The following CCT6A variants were observed in gnomAD, a reference collection of about 807,000 sequenced individuals.
The protein encoded by CCT6A is T-complex protein 1 subunit zeta.
CCT6A carries 6 observed loss-of-function variants against 58.6 expected under a neutral mutation model. The observed-to-expected ratio is 0.10, with a 90% CI of 0.06 to 0.20. The LOEUF is 0.20. Ranked by LOEUF, CCT6A falls within the 10% of genes least tolerant of loss-of-function variation. The pLI is 1.00. For synonymous variants in CCT6A, 245 were observed against 227.8 expected (o/e 1.08, Z -0.68); for missense variants, 516 against 648.8 (o/e 0.80, Z 2.22).
chr7:56,056,279 T>A, intron 4 of CCT6A, 32 bp from the exon 5 acceptor site: 1 of 1,105,510 alleles, frequency 9.0e-7, no homozygotes, highest in East Asian at 2.3e-5. Flanking sequence ...GCAAATTGAA[T>A]TTACTTAACG....
chr7:56,054,427 T>C lies in CCT6A; in HGVS notation c.260T>C (p.Ile87Thr), dbSNP rs768769859. ...IAKVATAQDD[I>T]TGDGTTSNVL... ...AAGGTAGCAACAGCCCAGGATGATA[T>C]AACTGGTGATGGTACGACTTCTAAT... Residue 87 changes from isoleucine to threonine, a missense_variant, in exon 3 of 14, where the codon ATA becomes ACA. Physicochemically the swap from Ile to Thr is moderately conservative, Grantham distance 89. This residue lies in a region of CCT6A where 116 missense variants were observed against 184.5 expected (regional missense o/e 0.63). Coordinates refer to ENST00000275603, the MANE Select transcript of CCT6A (RefSeq NM_001762.4). The C allele has an allele frequency of 1.1e-5, 18 of 1,611,362 alleles. No individual in the cohort carries two copies. The highest frequency in any genetic ancestry group is 1.5e-5 in the Non-Finnish European group (18 of 1,178,112).
In CCT6A at chr7:56,058,714, A is replaced by G. The variant is rs751681391; in HGVS notation, c.968+12A>G. The G allele has an allele frequency of 5.4e-6, 8 of 1,478,654 alleles. No individual in the cohort carries two copies. The Admixed American group carries it at 1.1e-4, about 21-fold the overall frequency. The allele number at this position is 1,478,654 out of a possible 1,614,324, so 91.6% of individuals were successfully genotyped here. Reference sequence around the variant, plus strand: ...AGAAATATGGAGAGGTATCCGAGTAATTTGACTTTTACTCATTTTGCAAGT... The same window carrying G: ...AGAAATATGGAGAGGTATCCGAGTAGTTTGACTTTTACTCATTTTGCAAGT... On this transcript the variant is annotated intron_variant, in intron 8 of 13. Coordinates refer to ENST00000275603, the MANE Select transcript of CCT6A (RefSeq NM_001762.4).
rs981935688 is a variant in CCT6A at position 56,060,119 on chromosome 7, T to C, written c.1066-150T>C. ...ATTGATGGGGAAAATCACATTTCTT[T>C]TATGTGATTTTTCAAAAGGAGATAA... On this transcript the variant is annotated intron_variant, in intron 9 of 13. Transcript: ENST00000275603. 1.3e-5 allele frequency: 8 copies of C among 634,304 alleles called. No individual in the cohort carries two copies. In the African/African-American group the frequency reaches 1.3e-4, roughly 10 times the overall value. The allele number at this position is 634,304 out of a possible 1,614,324, so 39.3% of individuals were successfully genotyped here.
At chr7:56,052,110 C>T (rs1226462673) in intron 1 of CCT6A, 125 bp downstream of exon 1, 1 of 834,470 alleles carries the variant, frequency 1.2e-6, no homozygotes, top group Non-Finnish European at 1.6e-6. Context: ...CGGCGTCCTC[C>T]GGGGTCGGTC....
intron 5 of CCT6A, among the ~76,000 whole-genome samples, chr7:56,057,269 T>C (rs1256152784): frequency 5.3e-5 from 8 of 152,172 alleles, no homozygotes. Flanking sequence ...ATTGAATTGC[T>C]AGGTACAAAG....
In CCT6A at chr7:56,063,978, A is replaced by ATAAC. The variant is rs1794552032; in HGVS notation, c.*893_*894insTAAC. 2.1e-6 allele frequency: 1 copy of ATAAC among 479,330 alleles called. No homozygotes were observed. The highest frequency in any genetic ancestry group is 2.1e-5 in the African/African-American group (1 of 48,478). 29.7% of individuals were successfully genotyped at this position (479,330 alleles called of 1,614,324 possible). A position where few individuals can be genotyped will look rare whatever the true frequency, so the allele number is the denominator to read the frequency against. Reference sequence around the variant, plus strand: ...GAAGTGAGTTGTGCAATAAATGTTAAGTTGAAACCTCCTTTCTGTTCTTGC... The same window carrying ATAAC: ...GAAGTGAGTTGTGCAATAAATGTTAATAACGTTGAAACCTCCTTTCTGTTCTTGC... On this transcript the variant is annotated 3_prime_UTR_variant, in exon 14 of 14. Coordinates refer to ENST00000275603, the MANE Select transcript of CCT6A (RefSeq NM_001762.4).
At chr7:56,060,643 A>G (rs1584552420) in intron 10 of CCT6A, 164 bp from the exon 11 acceptor site, 1 of 999,310 alleles carries the variant, frequency 1.0e-6, no homozygotes, top group East Asian at 2.4e-5. Context: ...GCCAGTGGCT[A>G]GTGAAGCCAT....
In CCT6A at chr7:56,062,721, A is replaced by G. The variant is rs761648209; in HGVS notation, c.1489A>G (p.Asn497Asp). ...GGCAGCAGAAGTAGGCGTATGGGAT[A>G]ACTATTGTGTAAAGAAACAGCTTCT... ...MVAAEVGVWD[N>D]YCVKKQLLHS... The change falls in exon 13 of 14, where the codon AAC (asparagine) becomes GAC (aspartate). Residue 497 changes from asparagine (N) to aspartate (D), a missense_variant. Coordinates refer to ENST00000275603, the MANE Select transcript of CCT6A (RefSeq NM_001762.4). 1 of 1,613,548 alleles carries G rather than the reference A, an allele frequency of 6.2e-7. No individual in the cohort carries two copies.
intron 2 of CCT6A, among the ~76,000 whole-genome samples, 186 bp downstream of exon 2, chr7:56,052,671 A>G (rs775187960): frequency 1.3e-5 from 2 of 152,146 alleles, no homozygotes; most frequent in African/African-American, 4.8e-5. Context: ...TTTGCCATTC[A>G]CAGTCCGGGC....
At chr7:56,061,432 A>C (rs1301916958) in intron 11 of CCT6A, among the ~76,000 whole-genome samples, 1 of 143,978 alleles carries the variant, frequency 6.9e-6, no homozygotes, top group Admixed American at 7.2e-5. Flanking sequence ...CTGGAGTGTA[A>C]TGGTGCGATC....
At chr7:56,062,797 A>G in intron 13 of CCT6A, 42 bp downstream of exon 13, 1 of 1,508,186 alleles carries the variant, frequency 6.6e-7, no homozygotes, top group Non-Finnish European at 9.2e-7. Context: ...AGAGAATCAT[A>G]CTTTTTTCAT....
In CCT6A at chr7:56,058,359, T is replaced by C. The variant is rs758115944; in HGVS notation, c.726-3T>C. The C allele has an allele frequency of 6.4e-7, 1 of 1,562,280 alleles. No homozygotes were observed. The highest frequency in any genetic ancestry group is 8.6e-7 in the Non-Finnish European group (1 of 1,161,404). On this transcript the variant is annotated splice_region_variant and splice_polypyrimidine_tract_variant and intron_variant, in intron 6 of 13. Coordinates refer to ENST00000275603, the MANE Select transcript of CCT6A (RefSeq NM_001762.4). ...TTTCTGTAACTTTTTTTTTTCTTAA[T>C]AGAGAAGTGAATTCTGGCTTTTTTT...
At chr7:56,053,652 G>A (rs1339766610) in intron 2 of CCT6A, among the ~76,000 whole-genome samples, 2 of 152,154 alleles carry the variant, frequency 1.3e-5, no homozygotes, top group Admixed American at 6.5e-5. Flanking sequence ...TGCTTCAGAG[G>A]CTGAGGCAGG....
At chr7:56,057,695 A>G (rs748449117) in intron 5 of CCT6A, among the ~76,000 whole-genome samples, 1 of 152,158 alleles carries the variant, frequency 6.6e-6, no homozygotes, top group Non-Finnish European at 1.5e-5. Context: ...CCTGGCTAAC[A>G]CGGTGAAACC....
At chr7:56,057,813 G>A (rs1454184467) in intron 5 of CCT6A, among the ~76,000 whole-genome samples, 180 bp from the exon 6 acceptor site, 1 of 152,206 alleles carries the variant, frequency 6.6e-6, no homozygotes, top group Non-Finnish European at 1.5e-5. Flanking sequence ...CCCAGGAGGT[G>A]GAGCTTGCGG....
intron 5 of CCT6A, 68 bp downstream of exon 5, chr7:56,056,482 G>A: frequency 3.6e-6 from 3 of 838,028 alleles, no homozygotes; most frequent in Non-Finnish European, 6.2e-6. Context: ...CAGCACTTTG[G>A]GAGGCTGTGG....
rs58207109 is a variant in CCT6A, at chr7:56,053,266, A to G, written c.201+781A>G. On this transcript the variant is annotated intron_variant, in intron 2 of 13. Coordinates refer to ENST00000275603, the MANE Select transcript of CCT6A (RefSeq NM_001762.4). ...AACTTAGCAGTTCAAATCCAAGAAA[A>G]GGAAATTATTTCCTGCTGATTTGAG... 5.8e-3 allele frequency among the ~76,000 whole-genome samples: 880 copies of G among 152,360 alleles called. 8 individuals are homozygous for G. The highest frequency in any genetic ancestry group is 0.02 in the African/African-American group (818 of 41,588).
intron 2 of CCT6A, among the ~76,000 whole-genome samples, chr7:56,052,788 C>CTTTTTTTTT (rs776930910): frequency 4.1e-4 from 11 of 27,038 alleles, no homozygotes; most frequent in African/African-American, 8.9e-4. Context: ...TTTTTCTTTT[C>CTTTTTTTTT]TTTTCTTTTT....
chr7:56,051,928 C>T lies in CCT6A; in HGVS notation c.80C>T (p.Ala27Val), dbSNP rs1794092740. The T allele has an allele frequency of 3.2e-6, 5 of 1,548,922 alleles. No homozygotes were observed. Residue 27 changes from alanine (A) to valine (V), a missense_variant, in exon 1 of 14, where the codon GCG (alanine) becomes GTG (valine). Physicochemically the swap from Ala to Val is moderately conservative, Grantham distance 64. Coordinates refer to ENST00000275603, the MANE Select transcript of CCT6A (RefSeq NM_001762.4). Reference sequence around the variant, plus strand: ...GCGCTGGCGGTCAACATCAGCGCAGCGCGGGGTCTGCAGGACGTGCTAAGG... The same window carrying T: ...GCGCTGGCGGTCAACATCAGCGCAGTGCGGGGTCTGCAGGACGTGCTAAGG... ...QAALAVNISA[A>V]RGLQDVLRTN... is the part of the protein sequence containing the mutation.
Sources: gnomAD v4.1 joint callset for allele counts (sites outside exome capture counted in the v4.1 genomes callset) on GRCh38, gnomAD v4.1.1 for gene constraint, gnomAD v4.1.1 regional missense constraint, MANE v1.5 for transcripts, NCBI Gene and HGNC (gene_info 2026-07-23, HGNC 2026-07-21) for gene names.